Variants in SYT7 observed in about 807,000 individuals in gnomAD.
SYT7 encodes the protein synaptotagmin 7.
A neutral mutation model predicts 75.1 loss-of-function variants in SYT7; 29 were observed. The observed-to-expected ratio is 0.39, with a 90% CI of 0.29 to 0.53. The LOEUF is 0.53. Ranked by LOEUF, SYT7 falls within the 20% of genes least tolerant of loss-of-function variation. The probability of loss-of-function intolerance (pLI) is 0.77; values close to 1 mark genes in which losing one functional copy is unlikely to be tolerated. For synonymous variants in SYT7, 376 were observed against 401.7 expected (o/e 0.94, Z 0.76); for missense variants, 693 against 953.2 (o/e 0.73, Z 3.59).
intron 1 of SYT7, among the ~76,000 whole-genome samples, chr11:61,575,123 A>C (rs570786394): frequency 6.6e-6 from 1 of 151,860 alleles, no homozygotes; most frequent in Non-Finnish European, 1.5e-5. Context: ...GTTCTCCCCA[A>C]TCTCTGATGC....
rs2062394473 is a variant in SYT7, at chr11:61,523,021, A to C, written c.1956+54T>G. 15 of 1,593,366 alleles carry C rather than the reference A, an allele frequency of 9.4e-6. No individual in the cohort carries two copies. The highest frequency in any genetic ancestry group is 6.7e-5 in the Admixed American group (4 of 59,970). On this transcript the variant is annotated intron_variant, in intron 12 of 12. Coordinates refer to ENST00000539008, the MANE Select transcript of SYT7 (RefSeq NM_001365809.2). The surrounding 1 kb of genome is among the most constrained non-coding windows in gnomAD (Gnocchi z 5.0). The stretch of plus-strand genomic sequence containing the variant: ...ACTACCCCCGCTGCTTCTTTTAAGG[A>C]ACGGAGCCTCACTGGTGCCAGCAGG...
chr11:61,520,444 G>A (rs757322566), intron 12 of SYT7, among the ~76,000 whole-genome samples: 5 of 152,000 alleles, frequency 3.3e-5, no homozygotes, highest in Non-Finnish European at 5.9e-5. Flanking sequence ...AGGATCACAT[G>A]AGCCTGGGGA....
Position 61,551,503 on chromosome 11 carries a change from C to T in SYT7, c.136-40G>A. The T allele has an allele frequency of 6.3e-7, 1 of 1,594,364 alleles. No homozygotes were observed. On this transcript the variant is annotated intron_variant, in intron 2 of 12. Coordinates refer to ENST00000539008, the MANE Select transcript of SYT7 (RefSeq NM_001365809.2). This position sits in a 1 kb window ranked among gnomAD's most constrained non-coding sequence, Gnocchi z 5.3. The stretch of plus-strand genomic sequence containing the variant: ...CTAGGATCACTCCTGGGGAACAGGA[C>T]TGTACCCTCCCTACCTCCCCAGAAC...
At chr11:61,555,144 C>A (rs554071444) in intron 2 of SYT7, among the ~76,000 whole-genome samples, 1 of 152,326 alleles carries the variant, frequency 6.6e-6, no homozygotes, top group African/African-American at 2.4e-5. Flanking sequence ...TAAGGCCCCC[C>A]TTTGGCTGCG....
chr11:61,567,851 G>A (rs1368560104), intron 1 of SYT7, among the ~76,000 whole-genome samples: 1 of 152,220 alleles, frequency 6.6e-6, no homozygotes, highest in African/African-American at 2.4e-5. Context: ...CAGAGCTTGC[G>A]GCGTTGCCCG....
chr11:61,543,945 T>A (rs1387641380), intron 5 of SYT7, among the ~76,000 whole-genome samples: 1 of 152,140 alleles, frequency 6.6e-6, no homozygotes. Context: ...CACCTCTCAA[T>A]CCAGTGGTCT....
At chr11:61,577,094 A>G (rs1294447216) in intron 1 of SYT7, among the ~76,000 whole-genome samples, 3 of 152,198 alleles carry the variant, frequency 2.0e-5, no homozygotes, top group Admixed American at 2.0e-4. Flanking sequence ...TCAAGCGGGC[A>G]GCTTGTTGAT....
At chr11:61,522,467 G>C (rs2062372763) in intron 12 of SYT7, among the ~76,000 whole-genome samples, 1 of 152,172 alleles carries the variant, frequency 6.6e-6, no homozygotes, top group Admixed American at 6.5e-5. Context: ...TGGGATTACA[G>C]GCATGAGCCA....
rs565336296 is a variant in SYT7, at chr11:61,517,079, G to C, written c.*1548C>G. 8.4e-4 allele frequency: 331 copies of C among 394,338 alleles called. 2 individuals are homozygous for C. Among genetic ancestry groups the C allele is most frequent in the African/African-American group, 6.1e-3 (297 of 48,666 alleles). The allele number at this position is 394,338 out of a possible 1,614,324, so 24.4% of individuals were successfully genotyped here. A position where few individuals can be genotyped will look rare whatever the true frequency, so the allele number is the denominator to read the frequency against. ...AGTGGAACTGGGGGCTAAGACCACG[G>C]CCACAGACTGTGGGGGCCTGGCGCC... On this transcript the variant is annotated 3_prime_UTR_variant, in exon 13 of 13. Coordinates refer to ENST00000539008, the MANE Select transcript of SYT7 (RefSeq NM_001365809.2).
At chr11:61,587,082 T>A in the SYT7 span, among the ~76,000 whole-genome samples, 26 of 152,270 alleles carry the variant, frequency 1.7e-4, no homozygotes, top group African/African-American at 5.8e-4. Context: ...CTTTTGATAT[T>A]GCAGAAACCT....
rs1002772030 is a variant in SYT7, at chr11:61,546,418, C to T, written c.348-163G>A. On this transcript the variant is annotated intron_variant, in intron 4 of 12. Coordinates refer to ENST00000539008, the MANE Select transcript of SYT7 (RefSeq NM_001365809.2). This position sits in a 1 kb window ranked among gnomAD's most constrained non-coding sequence, Gnocchi z 7.6. Reference sequence around the variant, plus strand: ...GAGAGAGGAGGAGGAGAGAGACAGACGGACATGAGACAGACAGAGAGAGAG... The same window carrying T: ...GAGAGAGGAGGAGGAGAGAGACAGATGGACATGAGACAGACAGAGAGAGAG... 2.1e-4 allele frequency: 122 copies of T among 575,412 alleles called. No homozygotes were observed. Among genetic ancestry groups the T allele is most frequent in the Non-Finnish European group, 2.3e-4 (74 of 328,454 alleles). 35.6% of individuals were successfully genotyped at this position (575,412 alleles called of 1,614,324 possible). A position where few individuals can be genotyped will look rare whatever the true frequency, so the allele number is the denominator to read the frequency against.
chr11:61,551,489 C>A lies in SYT7; in HGVS notation c.136-26G>T. Reference sequence around the variant, plus strand: ...CTGTGGAGATAGCACTAGGATCACTCCTGGGGAACAGGACTGTACCCTCCC... The same window carrying A: ...CTGTGGAGATAGCACTAGGATCACTACTGGGGAACAGGACTGTACCCTCCC... On this transcript the variant is annotated intron_variant, in intron 2 of 12. Transcript: ENST00000539008. The surrounding 1 kb of genome is among the most constrained non-coding windows in gnomAD (Gnocchi z 5.3). 6.2e-7 allele frequency: 1 copy of A among 1,611,262 alleles called. No individual in the cohort carries two copies. The highest frequency in any genetic ancestry group is 1.1e-5 in the South Asian group (1 of 91,034).
At chr11:61,538,834 C>T (rs925367455) in intron 6 of SYT7, among the ~76,000 whole-genome samples, 1 of 152,230 alleles carries the variant, frequency 6.6e-6, no homozygotes, top group African/African-American at 2.4e-5. Flanking sequence ...GTGGGCGCTG[C>T]ACCCTGTCCT....
At chr11:61,566,830 G>A (rs896248529) in intron 1 of SYT7, among the ~76,000 whole-genome samples, 4 of 152,198 alleles carry the variant, frequency 2.6e-5, no homozygotes, top group African/African-American at 9.7e-5. Context: ...TGTATGCTAT[G>A]TTTCATTTGA....
At chr11:61,536,661 C>T (rs1188846963) in intron 7 of SYT7, among the ~76,000 whole-genome samples, 1 of 152,214 alleles carries the variant, frequency 6.6e-6, no homozygotes, top group Non-Finnish European at 1.5e-5. Context: ...AGACCTGACC[C>T]CACTCTCTGG....
At chr11:61,565,475 T>C (rs2063742939) in intron 1 of SYT7, among the ~76,000 whole-genome samples, 1 of 152,228 alleles carries the variant, frequency 6.6e-6, no homozygotes, top group African/African-American at 2.4e-5. Flanking sequence ...GCTCCAGGTC[T>C]TGCCATCTTG....
At chr11:61,566,662 G>A (rs1005138487) in intron 1 of SYT7, among the ~76,000 whole-genome samples, 2 of 152,168 alleles carry the variant, frequency 1.3e-5, no homozygotes, top group African/African-American at 2.4e-5. Flanking sequence ...GCTCTTCACC[G>A]GGAATGCGGA....
At chr11:61,537,580 C>T (rs1396099475) in intron 7 of SYT7, among the ~76,000 whole-genome samples, 4 of 152,104 alleles carry the variant, frequency 2.6e-5, no homozygotes, top group African/African-American at 7.2e-5. Flanking sequence ...CCTCCTGGTG[C>T]CCGGGCTCAG....
intron 7 of SYT7, among the ~76,000 whole-genome samples, chr11:61,537,028 T>C (rs1257494102): frequency 1.3e-5 from 2 of 152,162 alleles, no homozygotes; most frequent in African/African-American, 4.8e-5. Context: ...GACAGATAAG[T>C]GAGCAGAGAA....
Sources: gnomAD v4.1 joint callset for allele counts (sites outside exome capture counted in the v4.1 genomes callset) on GRCh38, gnomAD v4.1.1 for gene constraint, Gnocchi (gnomAD v3.1) non-coding constraint, MANE v1.5 for transcripts, NCBI Gene and HGNC (gene_info 2026-07-23, HGNC 2026-07-21) for gene names.